Variants in CDKAL1 observed in about 807,000 individuals in gnomAD.
CDKAL1 encodes CDKAL1 threonylcarbamoyladenosine tRNA methylthiotransferase.
CDKAL1 carries 32 observed loss-of-function variants against 68.2 expected under a neutral mutation model. The ratio of observed to expected loss-of-function variants is 0.47; its 90% confidence interval spans 0.35 to 0.63. CDKAL1 has a LOEUF of 0.63. Ranked by LOEUF, CDKAL1 falls within the 30% of genes least tolerant of loss-of-function variation. CDKAL1 has a pLI of 0.00. For missense variants in CDKAL1, 606 were observed against 696.7 expected, an observed-to-expected ratio of 0.87 and a Z score of 1.47; for synonymous variants, 234 against 244.3, an observed-to-expected ratio of 0.96 and a Z score of 0.39.
chr6:20,550,960 G>A (rs1242572516), intron 4 of CDKAL1, among the ~76,000 whole-genome samples: 1 of 149,136 alleles, frequency 6.7e-6, no homozygotes, highest in East Asian at 2.0e-4. Flanking sequence ...TCCGCCTCAC[G>A]GTTCAAGGGA....
chr6:20,937,561 A>G (rs1561899284), intron 9 of CDKAL1, among the ~76,000 whole-genome samples: 2 of 152,174 alleles, frequency 1.3e-5, no homozygotes, highest in African/African-American at 2.4e-5. Flanking sequence ...TGTGGTTACC[A>G]AGTCTCCTCA....
intron 5 of CDKAL1, among the ~76,000 whole-genome samples, chr6:20,676,698 T>TAAATA (rs1554175380): frequency 0.063 from 5,073 of 80,502 alleles, 103 homozygotes; most frequent in Middle Eastern, 0.14. Flanking sequence ...AATAAATAAA[T>TAAATA]AAATAAAATA....
At chr6:20,629,569 C>T (rs1218517269) in intron 4 of CDKAL1, among the ~76,000 whole-genome samples, 1 of 152,146 alleles carries the variant, frequency 6.6e-6, no homozygotes, top group Non-Finnish European at 1.5e-5. Context: ...TTCTAACACC[C>T]AGCAAAGAGG....
chr6:21,146,712 G>A (rs776800761), intron 13 of CDKAL1, among the ~76,000 whole-genome samples: 7 of 151,910 alleles, frequency 4.6e-5, no homozygotes, highest in African/African-American at 1.2e-4. Context: ...TCAGCTGGGC[G>A]TGGTGGTGGG....
At chr6:21,187,407 T>G (rs1424464529) in intron 13 of CDKAL1, among the ~76,000 whole-genome samples, 1 of 152,230 alleles carries the variant, frequency 6.6e-6, no homozygotes. Context: ...TTCATGATTT[T>G]AAAAATTCTC....
chr6:20,957,968 C>CAAA (rs60301451), intron 10 of CDKAL1, among the ~76,000 whole-genome samples: 14 of 67,400 alleles, frequency 2.1e-4, no homozygotes, highest in African/African-American at 5.2e-4. Flanking sequence ...AAGATTATCT[C>CAAA]AAAAAAAAAA....
chr6:20,990,516 G>T (rs1043248539), intron 10 of CDKAL1, among the ~76,000 whole-genome samples: 12 of 152,158 alleles, frequency 7.9e-5, no homozygotes, highest in African/African-American at 2.9e-4. Context: ...TTAACTCTTA[G>T]CAGTTTAGAA....
chr6:20,844,043 C>G (rs548990708), intron 8 of CDKAL1, among the ~76,000 whole-genome samples: 1 of 151,996 alleles, frequency 6.6e-6, no homozygotes, highest in Non-Finnish European at 1.5e-5. Flanking sequence ...AGAACCTGAG[C>G]TATGGAATTT....
At chr6:21,114,071 AC>A (rs71540613) in intron 13 of CDKAL1, among the ~76,000 whole-genome samples, 4,667 of 151,768 alleles carry the variant, frequency 0.031, 232 homozygotes, top group African/African-American at 0.11. Flanking sequence ...ACGCAGTGAA[AC>A]CCCGTCTCTA....
At chr6:20,590,973 A>G (rs1363539407) in intron 4 of CDKAL1, among the ~76,000 whole-genome samples, 2 of 152,154 alleles carry the variant, frequency 1.3e-5, no homozygotes, top group Non-Finnish European at 2.9e-5. Flanking sequence ...ACTCCCATCA[A>G]CAGTGTAAAA....
At chr6:20,609,291 T>TCTCCTTCTCCTTCTC (rs1436623105) in intron 4 of CDKAL1, among the ~76,000 whole-genome samples, 2 of 142,932 alleles carry the variant, frequency 1.4e-5, no homozygotes, top group African/African-American at 2.8e-5. Flanking sequence ...TTCTCCTTCT[T>TCTCCTTCTCCTTCTC]CTCCTTCTCC....
chr6:21,205,745 A>C (rs904595858), intron 15 of CDKAL1, among the ~76,000 whole-genome samples: 8 of 143,714 alleles, frequency 5.6e-5, no homozygotes, highest in Non-Finnish European at 1.1e-4. Flanking sequence ...GTTAGCCAGG[A>C]TGGTCTCGAT....
intron 15 of CDKAL1, among the ~76,000 whole-genome samples, chr6:21,211,218 C>T (rs1779136383): frequency 6.6e-6 from 1 of 152,178 alleles, no homozygotes; most frequent in Non-Finnish European, 1.5e-5. Context: ...GGAACCAACG[C>T]AACGTGACAG....
At chr6:20,758,476 A>T in intron 6 of CDKAL1, 119 bp from the exon 7 acceptor site, 1 of 719,808 alleles carries the variant, frequency 1.4e-6, no homozygotes, top group Non-Finnish European at 2.3e-6. Flanking sequence ...CAAATACATT[A>T]AAGGAAACCT....
intron 11 of CDKAL1, among the ~76,000 whole-genome samples, chr6:21,051,123 C>A (rs1770514492): frequency 6.6e-6 from 1 of 152,120 alleles, no homozygotes; most frequent in African/African-American, 2.4e-5. Context: ...AGAATGTGAA[C>A]ACTGTCTGGA....
At chr6:20,640,022 G>A (rs1331676413) in intron 4 of CDKAL1, among the ~76,000 whole-genome samples, 8 of 152,170 alleles carry the variant, frequency 5.3e-5, no homozygotes, top group African/African-American at 7.2e-5. Flanking sequence ...GGGTGCTTTC[G>A]AATTCTCTTA....
chr6:21,127,087 G>C (rs750200338), intron 13 of CDKAL1, among the ~76,000 whole-genome samples: 30 of 152,274 alleles, frequency 2.0e-4, no homozygotes, highest in African/African-American at 7.2e-4. Context: ...TTTGGGTTAT[G>C]TACATTTCTC....
At chr6:20,978,849 A>T (rs1257863767) in intron 10 of CDKAL1, among the ~76,000 whole-genome samples, 8 of 152,144 alleles carry the variant, frequency 5.3e-5, no homozygotes, top group Non-Finnish European at 7.4e-5. Flanking sequence ...GAGAATATAG[A>T]GTTTTTGTTT....
intron 9 of CDKAL1, among the ~76,000 whole-genome samples, chr6:20,846,744 C>G (rs942265212): frequency 4.6e-5 from 7 of 152,204 alleles, no homozygotes; most frequent in African/African-American, 1.7e-4. Context: ...TGAGTCATCA[C>G]TTGCCGGGAA....
Sources: gnomAD v4.1 joint callset for allele counts (sites outside exome capture counted in the v4.1 genomes callset) on GRCh38, gnomAD v4.1.1 for gene constraint, MANE v1.5 for transcripts, NCBI Gene and HGNC (gene_info 2026-07-23, HGNC 2026-07-21) for gene names.